The following NTNG1 variants were observed in gnomAD, a reference collection of about 807,000 sequenced individuals.
The protein encoded by NTNG1 is netrin-G1.
NTNG1 carries 16 observed loss-of-function variants against 54.0 expected under a neutral mutation model. The ratio of observed to expected loss-of-function variants is 0.30; its 90% CI spans 0.20 to 0.45. The LOEUF (loss-of-function observed/expected upper bound fraction) is 0.45, where lower values mean the gene tolerates loss of function less well. NTNG1 is among the 20% of genes least tolerant of loss of function. The pLI, the probability that NTNG1 is intolerant of heterozygous loss-of-function variation, is 1.00. For missense variants in NTNG1, 530 were observed against 678.7 expected (o/e 0.78, Z 2.43); for synonymous variants, 255 against 263.1 (o/e 0.97, Z 0.30).
chr1:107,250,145 T>A (rs185751884), intron 2 of NTNG1, among the ~76,000 whole-genome samples: 1 of 152,234 alleles, frequency 6.6e-6, no homozygotes, highest in African/African-American at 2.4e-5. Context: ...GTTACTGTCT[T>A]CATAGATTTA....
intron 2 of NTNG1, among the ~76,000 whole-genome samples, chr1:107,214,019 T>C (rs995884562): frequency 6.6e-6 from 1 of 152,226 alleles, no homozygotes; most frequent in African/African-American, 2.4e-5. Flanking sequence ...TTTTAGTTTT[T>C]CTTTTCACTC....
chr1:107,376,370 T>A (rs933849259), intron 3 of NTNG1, among the ~76,000 whole-genome samples: 8 of 150,276 alleles, frequency 5.3e-5, no homozygotes, highest in Non-Finnish European at 7.4e-5. Context: ...GTCGCGCCAC[T>A]GCACTCCAGC....
In NTNG1 at chr1:107,296,668, CAT is replaced by C. The variant is rs546603834; in HGVS notation, c.247-27609_247-27608del. Among the ~76,000 whole-genome samples, 836 of 146,832 alleles carry C rather than the reference CAT, an allele frequency of 5.7e-3. 15 individuals are homozygous for C. The highest frequency in any genetic ancestry group is 0.02 in the African/African-American group (800 of 40,384). On this transcript the variant is annotated intron_variant, in intron 2 of 7. Coordinates refer to ENST00000370068, the MANE Select transcript of NTNG1 (RefSeq NM_001113226.3). ...ATATATTATTTACATTTATATATAA[CAT>C]ATATTTATACATTATATATACTAAT...
At chr1:107,221,589 A>T (rs992742233) in intron 2 of NTNG1, among the ~76,000 whole-genome samples, 1 of 152,204 alleles carries the variant, frequency 6.6e-6, no homozygotes, top group South Asian at 2.1e-4. Flanking sequence ...AAGAAAGAGC[A>T]GTAGGAATGT....
intron 2 of NTNG1, among the ~76,000 whole-genome samples, chr1:107,319,884 T>TAA (rs1557896124): frequency 6.0e-5 from 9 of 150,954 alleles, no homozygotes; most frequent in Non-Finnish European, 1.0e-4. Context: ...TATATATATA[T>TAA]AAAACTCTGA....
intron 2 of NTNG1, among the ~76,000 whole-genome samples, chr1:107,150,449 A>G (rs1654477677): frequency 6.6e-6 from 1 of 152,206 alleles, no homozygotes; most frequent in Admixed American, 6.6e-5. Flanking sequence ...ATAGTCTTCT[A>G]CGCCTTATAG....
At chr1:107,416,030 T>A (rs1674174590) in intron 5 of NTNG1, among the ~76,000 whole-genome samples, 1 of 152,248 alleles carries the variant, frequency 6.6e-6, no homozygotes, top group African/African-American at 2.4e-5. Context: ...AAAATACATT[T>A]AAAAAATTAA....
At chr1:107,363,089 AAAGT>A (rs1670389745) in intron 3 of NTNG1, among the ~76,000 whole-genome samples, 3 of 152,204 alleles carry the variant, frequency 2.0e-5, no homozygotes, top group Non-Finnish European at 2.9e-5. Flanking sequence ...CTTCTTTTTA[AAAGT>A]TAATCAAAGA....
intron 2 of NTNG1, among the ~76,000 whole-genome samples, chr1:107,215,237 A>G (rs1236119733): frequency 6.6e-6 from 1 of 152,134 alleles, no homozygotes; most frequent in Non-Finnish European, 1.5e-5. Context: ...TTCCAAAGTT[A>G]TCTTCTAGAA....
intron 2 of NTNG1, among the ~76,000 whole-genome samples, chr1:107,257,913 C>T (rs771502782): frequency 6.6e-6 from 1 of 152,194 alleles, no homozygotes; most frequent in Non-Finnish European, 1.5e-5. Flanking sequence ...TCATGTTTCT[C>T]CTTTGTTTCA....
chr1:107,159,794 C>T (rs1330963536), intron 2 of NTNG1, among the ~76,000 whole-genome samples: 1 of 152,108 alleles, frequency 6.6e-6, no homozygotes, highest in African/African-American at 2.4e-5. Context: ...ATTGTGTAAA[C>T]AGAGTGTATG....
chr1:107,239,007 C>A (rs1398056811), intron 2 of NTNG1, among the ~76,000 whole-genome samples: 1 of 152,104 alleles, frequency 6.6e-6, no homozygotes, highest in Admixed American at 6.6e-5. Context: ...TTGTTCAACA[C>A]AGGATTTTTT....
At chr1:107,318,043 C>T (rs1667437817) in intron 2 of NTNG1, among the ~76,000 whole-genome samples, 1 of 152,080 alleles carries the variant, frequency 6.6e-6, no homozygotes, top group Non-Finnish European at 1.5e-5. Context: ...TGGGACAGTC[C>T]CATAGTATTT....
At chr1:107,410,618 T>G (rs1446901337) in intron 5 of NTNG1, 2 of 152,172 alleles carry the variant, frequency 1.3e-5, no homozygotes, top group African/African-American at 2.4e-5. Flanking sequence ...CTTTACCTGA[T>G]GTGGTAGGAA....
chr1:107,353,144 T>A (rs1015035773), intron 3 of NTNG1, among the ~76,000 whole-genome samples: 3 of 152,220 alleles, frequency 2.0e-5, no homozygotes, highest in African/African-American at 7.2e-5. Flanking sequence ...GCCTGCTTGA[T>A]CCTCTCCTAA....
chr1:107,164,854 T>C (rs1372907521), intron 2 of NTNG1, among the ~76,000 whole-genome samples: 1 of 152,138 alleles, frequency 6.6e-6, no homozygotes, highest in Non-Finnish European at 1.5e-5. Flanking sequence ...TATAGAAGGG[T>C]GCAACTTGCG....
Position 107,205,920 on chromosome 1 carries a change from C to T in NTNG1, c.246+57081C>T, listed in dbSNP as rs560678663. 1.4e-3 allele frequency among the ~76,000 whole-genome samples: 214 copies of T among 152,240 alleles called. 1 individual carries two copies. Among genetic ancestry groups the T allele is most frequent in the African/African-American group, 5.0e-3 (207 of 41,546 alleles). ...TGGAATTGTACAGTATGTGCTCTTT[C>T]GTATCTGACTTGTTGGGTTTAATGT... On this transcript the variant is annotated intron_variant, in intron 2 of 7. Coordinates refer to ENST00000370068, the MANE Select transcript of NTNG1 (RefSeq NM_001113226.3).
At chr1:107,282,342 A>C (rs1384141916) in intron 2 of NTNG1, among the ~76,000 whole-genome samples, 1 of 152,118 alleles carries the variant, frequency 6.6e-6, no homozygotes, top group East Asian at 1.9e-4. Context: ...AGCTGATTCT[A>C]ATTAACACCC....
chr1:107,311,419 G>A (rs988717503), intron 2 of NTNG1, among the ~76,000 whole-genome samples: 1 of 152,040 alleles, frequency 6.6e-6, no homozygotes, highest in Non-Finnish European at 1.5e-5. Context: ...GAAAGAACTG[G>A]GACATAATTG....
Sources: allele counts gnomAD v4.1 joint callset (sites outside exome capture counted in the v4.1 genomes callset), GRCh38; gene constraint gnomAD v4.1.1; transcripts MANE v1.5; gene names NCBI Gene and HGNC (gene_info 2026-07-23, HGNC 2026-07-21).